ZNF385D: variants seen among roughly 807,000 people sequenced by gnomAD.
ZNF385D encodes zinc finger protein 659.
In ZNF385D, 15 loss-of-function variants were observed where a neutral mutation model predicts 35.8. That is an observed-to-expected ratio of 0.42 (90% CI 0.28 to 0.64). The LOEUF (loss-of-function observed/expected upper bound fraction) is 0.64, where lower values mean the gene tolerates loss of function less well. Ranked by LOEUF, ZNF385D falls within the 30% of genes least tolerant of loss-of-function variation. ZNF385D has a pLI of 0.23. For synonymous variants in ZNF385D, 212 were observed against 186.8 expected, an observed-to-expected ratio of 1.13 and a Z score of -1.10; for missense variants, 474 against 494.6, an observed-to-expected ratio of 0.96 and a Z score of 0.39.
At chr3:21,811,140 C>T (rs1251999968) in intron 3 of ZNF385D, among the ~76,000 whole-genome samples, 3 of 151,940 alleles carry the variant, frequency 2.0e-5, no homozygotes, top group African/African-American at 4.8e-5. Flanking sequence ...AATCTTAAAT[C>T]AGAATTGAAA....
intron 3 of ZNF385D, among the ~76,000 whole-genome samples, chr3:22,096,293 T>C (rs1454507095): frequency 6.6e-6 from 1 of 151,854 alleles, no homozygotes; most frequent in African/African-American, 2.4e-5. Context: ...GTATCAAACC[T>C]GCACATGTAA....
chr3:22,179,381 C>G (rs1030781286), intron 2 of ZNF385D, among the ~76,000 whole-genome samples: 3 of 152,202 alleles, frequency 2.0e-5, no homozygotes, highest in South Asian at 2.1e-4. Context: ...ATTTGGCTCT[C>G]TTGTGTGTCT....
chr3:22,123,344 G>A (rs749404537), intron 3 of ZNF385D, among the ~76,000 whole-genome samples: 7 of 152,140 alleles, frequency 4.6e-5, no homozygotes, highest in African/African-American at 9.6e-5. Flanking sequence ...ATCTTTATGG[G>A]TACATGGTAG....
chr3:21,772,522 A>G (rs1196663665), intron 3 of ZNF385D, among the ~76,000 whole-genome samples: 4 of 151,972 alleles, frequency 2.6e-5, no homozygotes, highest in South Asian at 2.1e-4. Context: ...ACAAAATGAG[A>G]TATTTCACAT....
At chr3:21,697,212 A>C (rs1456154214) in intron 1 of ZNF385D, among the ~76,000 whole-genome samples, 6 of 152,166 alleles carry the variant, frequency 3.9e-5, no homozygotes, top group African/African-American at 1.2e-4. Flanking sequence ...TCATCGAAAA[A>C]AGATTTGAGT....
chr3:22,092,333 A>C (rs1353741623), intron 3 of ZNF385D, among the ~76,000 whole-genome samples: 2 of 152,138 alleles, frequency 1.3e-5, no homozygotes, highest in Non-Finnish European at 2.9e-5. Context: ...GTTGGCTCCT[A>C]CAACACAGCT....
intron 2 of ZNF385D, among the ~76,000 whole-genome samples, chr3:22,253,310 C>A (rs890295592): frequency 6.6e-5 from 10 of 151,786 alleles, no homozygotes; most frequent in African/African-American, 2.4e-4. Context: ...AAGAAATAGA[C>A]TGTAATTGAA....
At chr3:22,270,971 C>T (rs945780505) in intron 2 of ZNF385D, among the ~76,000 whole-genome samples, 21 of 151,992 alleles carry the variant, frequency 1.4e-4, no homozygotes, top group African/African-American at 4.8e-4. Context: ...GCTTCTGCCT[C>T]TTGAGAGTTT....
chr3:22,193,871 T>C (rs1355540091), intron 2 of ZNF385D, among the ~76,000 whole-genome samples: 1 of 152,020 alleles, frequency 6.6e-6, no homozygotes, highest in African/African-American at 2.4e-5. Context: ...TTCAAAATGA[T>C]TATAACCGCT....
At chr3:21,519,355 C>T (rs1187477705) in intron 3 of ZNF385D, among the ~76,000 whole-genome samples, 1 of 152,150 alleles carries the variant, frequency 6.6e-6, no homozygotes, top group African/African-American at 2.4e-5. Flanking sequence ...TTCAAAGCTT[C>T]TCAACTCATC....
At chr3:22,346,157 C>A (rs1222835979) in intron 2 of ZNF385D, among the ~76,000 whole-genome samples, 1 of 152,212 alleles carries the variant, frequency 6.6e-6, no homozygotes, top group Non-Finnish European at 1.5e-5. Flanking sequence ...ATATTTCCCA[C>A]TCCTGTTAGC....
intron 2 of ZNF385D, among the ~76,000 whole-genome samples, chr3:22,311,356 A>G (rs142344706): frequency 6.6e-6 from 1 of 152,006 alleles, no homozygotes; most frequent in Admixed American, 6.6e-5. Context: ...GAATGCTTAC[A>G]AAAACTTCTG....
At chr3:21,689,523 C>T (rs1399179304) in intron 1 of ZNF385D, among the ~76,000 whole-genome samples, 1 of 151,698 alleles carries the variant, frequency 6.6e-6, no homozygotes, top group East Asian at 1.9e-4. Context: ...TCTGTGTAGA[C>T]TCAACTACAC....
intron 3 of ZNF385D, among the ~76,000 whole-genome samples, chr3:21,895,713 G>T (rs1575858269): frequency 6.6e-6 from 1 of 152,008 alleles, no homozygotes; most frequent in Admixed American, 6.6e-5. Flanking sequence ...TGCAGGACCG[G>T]TTGGAGTGGG....
In ZNF385D at chr3:21,805,817, G is replaced by A. The variant is rs189285266; in HGVS notation, c.326-140789C>T. On this transcript the variant is annotated intron_variant, in intron 3 of 5. Coordinates refer to the ZNF385D transcript ENST00000494108. ...TGCAATCCTAGTGAAAGAATGGGAA[G>A]CTGCTTGGAGCTTCGAGCATGGGAT... Among the ~76,000 whole-genome samples, 883 of 152,294 alleles carry A rather than the reference G, an allele frequency of 5.8e-3. 12 individuals are homozygous for A. Among genetic ancestry groups the A allele is most frequent in the Admixed American group, 0.023 (353 of 15,298 alleles).
In ZNF385D at chr3:22,207,404, A is replaced by G. The variant is rs1012952343; in HGVS notation, c.107-38369T>C. On this transcript the variant is annotated intron_variant, in intron 2 of 5. Transcript: ENST00000494108. ...TGGACACGCATATGCAGAAGAAAAC[A>G]AAGCCCCTATCTCCTGCCCTACACA... Among the ~76,000 whole-genome samples the G allele has an allele frequency of 2.6e-5, 4 of 151,894 alleles. No homozygotes were observed. In the South Asian group the frequency reaches 8.3e-4, roughly 31 times the overall value.
intron 4 of ZNF385D, chr3:21,441,646 AAGG>A (rs1701864677): frequency 1.0e-6 from 1 of 973,130 alleles, no homozygotes; most frequent in Admixed American, 6.2e-5. Context: ...AATCATTTAG[AAGG>A]AGGAAAGAAA....
intron 1 of ZNF385D, among the ~76,000 whole-genome samples, 174 bp downstream of exon 1, chr3:21,750,721 C>T (rs909352423): frequency 2.4e-4 from 36 of 151,988 alleles, no homozygotes; most frequent in Middle Eastern, 3.2e-3. Flanking sequence ...TTAACAGCCC[C>T]AGTTGTGGCA....
chr3:21,911,965 TA>T (rs1468189457), intron 3 of ZNF385D, among the ~76,000 whole-genome samples: 2 of 151,942 alleles, frequency 1.3e-5, no homozygotes, highest in Admixed American at 1.3e-4. Flanking sequence ...TCTAGTACCT[TA>T]AAAATGAAAT....
Sources: gnomAD v4.1 joint callset for allele counts (sites outside exome capture counted in the v4.1 genomes callset) on GRCh38, gnomAD v4.1.1 for gene constraint, MANE v1.5 for transcripts, NCBI Gene and HGNC (gene_info 2026-07-23, HGNC 2026-07-21) for gene names.